Variants in DTYMK observed in about 807,000 individuals in gnomAD.
DTYMK encodes thymidylate kinase.
A neutral mutation model predicts 20.3 loss-of-function variants in DTYMK; 20 were observed. The observed-to-expected ratio is 0.99, with a 90% CI of 0.69 to 1.43. The LOEUF (loss-of-function observed/expected upper bound fraction) is 1.43, where lower values mean the gene tolerates loss of function less well. Among genes scored for constraint, DTYMK ranks in the 40% most tolerant of loss-of-function variants. DTYMK has a pLI of 0.00. For synonymous variants in DTYMK, 148 were observed against 124.4 expected (o/e 1.19, Z -1.27); for missense variants, 320 against 291.1 (o/e 1.10, Z -0.72).
At chr2:241,683,138 A>G (rs1244672959) in intron 2 of DTYMK, among the ~76,000 whole-genome samples, 1 of 152,216 alleles carries the variant, frequency 6.6e-6, no homozygotes, top group Non-Finnish European at 1.5e-5. Flanking sequence ...AACCAGATAC[A>G]CAGATGGCAA....
intron 3 of DTYMK, among the ~76,000 whole-genome samples, chr2:241,679,733 C>G (rs2069196270): frequency 6.6e-6 from 1 of 152,146 alleles, no homozygotes. Flanking sequence ...CTTTGGGAGG[C>G]TGAGATGAGT....
chr2:241,682,158 A>G (rs2069269996), intron 2 of DTYMK: 6 of 432,644 alleles, frequency 1.4e-5, no homozygotes, highest in Admixed American at 1.2e-4. Context: ...GGGCAACAAT[A>G]GTGAGACTCC....
In DTYMK at chr2:241,685,870, TG is replaced by T; in HGVS notation, c.137del (p.Ser46Ter). Reference sequence around the variant, plus strand: ...AACTCAGAAGTTTGCCGATTTCAGTTGATCTTTCTAGAAAAAAAGAGAAACA... The same window carrying T: ...AACTCAGAAGTTTGCCGATTTCAGTTATCTTTCTAGAAAAAAAGAGAAACA... ...RAELLRFPER[S>X]TEIGKLLSSY... On this transcript the variant is annotated frameshift_variant, in exon 2 of 5. Coordinates refer to ENST00000305784, the MANE Select transcript of DTYMK (RefSeq NM_012145.4). LOFTEE classifies it high-confidence loss of function. 6.2e-7 allele frequency: 1 copy of T among 1,614,102 alleles called. No homozygotes were observed. The highest frequency in any genetic ancestry group is 8.5e-7 in the Non-Finnish European group (1 of 1,179,946).
chr2:241,683,948 T>C (rs1283003076), intron 2 of DTYMK, among the ~76,000 whole-genome samples: 2 of 151,964 alleles, frequency 1.3e-5, no homozygotes, highest in African/African-American at 4.8e-5. Context: ...TCCCAGCTAC[T>C]CAGGAGGCTG....
At chr2:241,680,064 C>G (rs1309880315) in intron 3 of DTYMK, among the ~76,000 whole-genome samples, 165 bp downstream of exon 3, 1 of 151,724 alleles carries the variant, frequency 6.6e-6, no homozygotes, top group Non-Finnish European at 1.5e-5. Flanking sequence ...AATGTTTGCT[C>G]TTCTTATTGA....
chr2:241,683,125 C>T (rs149178774), intron 2 of DTYMK, among the ~76,000 whole-genome samples: 500 of 152,214 alleles, frequency 3.3e-3, no homozygotes, highest in Non-Finnish European at 5.3e-3. Flanking sequence ...AGATCCCTTA[C>T]GAAACCAGAT....
At chr2:241,676,461 C>T (rs2069119414) in intron 4 of DTYMK, among the ~76,000 whole-genome samples, 1 of 152,216 alleles carries the variant, frequency 6.6e-6, no homozygotes, top group South Asian at 2.1e-4. Context: ...CACCCTGTTT[C>T]AAAACAACAC....
At chr2:241,679,892 T>C (rs1267720628) in intron 3 of DTYMK, among the ~76,000 whole-genome samples, 2 of 147,712 alleles carry the variant, frequency 1.4e-5, no homozygotes, top group Non-Finnish European at 3.0e-5. Flanking sequence ...TCGCTTGAAC[T>C]CAGGAGGCAG....
chr2:241,682,878 C>T (rs773422515), intron 2 of DTYMK: 33 of 163,154 alleles, frequency 2.0e-4, no homozygotes, highest in African/African-American at 7.2e-4. Flanking sequence ...GAGCCAAGAT[C>T]GCCCCATTGC....
rs961097318 is a variant in DTYMK, at chr2:241,680,415, C to A, written c.240-96G>T. ...CAACAGGCTGTGCGCAGTGGCTCAC[C>A]CCTATAATCCCAGCGCTTTGGGAGG... On this transcript the variant is annotated intron_variant, in intron 2 of 4. Transcript: ENST00000305784. 10 of 1,329,126 alleles carry A rather than the reference C, an allele frequency of 7.5e-6. No homozygotes were observed. The Middle Eastern group carries it at 7.6e-4, about 101-fold the overall frequency. 82.3% of individuals were successfully genotyped at this position (1,329,126 alleles called of 1,614,324 possible).
chr2:241,680,207 C>T, intron 3 of DTYMK, 22 bp downstream of exon 3: 1 of 1,613,236 alleles, frequency 6.2e-7, no homozygotes, highest in African/African-American at 1.3e-5. Context: ...GCTCGCCTGA[C>T]AGGAGGCCAA....
intron 2 of DTYMK, among the ~76,000 whole-genome samples, chr2:241,683,741 G>A (rs1289342643): frequency 1.3e-5 from 2 of 152,084 alleles, no homozygotes; most frequent in Admixed American, 1.3e-4. Flanking sequence ...CCAAACAAGG[G>A]ACTATTAATT....
At chr2:241,680,189 A>G in intron 3 of DTYMK, 40 bp downstream of exon 3, 1 of 1,606,424 alleles carries the variant, frequency 6.2e-7, no homozygotes, top group East Asian at 2.2e-5. Context: ...CTGGGTCCAC[A>G]CATCTGTGCT....
rs2069251073 is a variant in DTYMK, at chr2:241,681,232, CAG to C, written c.240-915_240-914del. Among the ~76,000 whole-genome samples, 3 of 152,250 alleles carry C rather than the reference CAG, an allele frequency of 2.0e-5. 1 individual carries two copies. The South Asian group carries it at 6.2e-4, about 31-fold the overall frequency. ...CAGTCTCACTGGGGCCTTCAAATCA[CAG>C]GGGCACCCACATAAGGAGTCAACTG... is the stretch of plus-strand genomic sequence containing the variant. On this transcript the variant is annotated intron_variant, in intron 2 of 4. Transcript: ENST00000305784.
At chr2:241,683,913 T>C (rs1045230834) in intron 2 of DTYMK, among the ~76,000 whole-genome samples, 32 of 151,944 alleles carry the variant, frequency 2.1e-4, no homozygotes, top group African/African-American at 7.3e-4. Flanking sequence ...AAAAATTAGC[T>C]GTGCATGGTC....
chr2:241,676,839 C>T (rs979648301), intron 4 of DTYMK, among the ~76,000 whole-genome samples: 2 of 152,262 alleles, frequency 1.3e-5, no homozygotes, highest in Admixed American at 6.5e-5. Flanking sequence ...GCACAGAGGG[C>T]AGACCCTGCC....
intron 2 of DTYMK, among the ~76,000 whole-genome samples, chr2:241,684,358 C>T (rs1423307846): frequency 1.3e-5 from 2 of 152,220 alleles, no homozygotes; most frequent in Non-Finnish European, 2.9e-5. Context: ...AAAATGGTCT[C>T]ATTTTCATTT....
intron 4 of DTYMK, among the ~76,000 whole-genome samples, chr2:241,677,371 C>T (rs1161815931): frequency 1.3e-5 from 2 of 152,214 alleles, no homozygotes; most frequent in East Asian, 1.9e-4. Context: ...GAGAGAATGC[C>T]GCACTGCCAG....
At chr2:241,679,561 G>A (rs1443391979) in intron 3 of DTYMK, among the ~76,000 whole-genome samples, 2 of 152,230 alleles carry the variant, frequency 1.3e-5, no homozygotes, top group Admixed American at 1.3e-4. Context: ...TTGGGCCCAA[G>A]AGTTGTTATA....
Sources: gnomAD v4.1 joint callset for allele counts (sites outside exome capture counted in the v4.1 genomes callset) on GRCh38, gnomAD v4.1.1 for gene constraint, MANE v1.5 for transcripts, NCBI Gene and HGNC (gene_info 2026-07-23, HGNC 2026-07-21) for gene names.